SND1: variants seen among roughly 807,000 people sequenced by gnomAD.
The protein encoded by SND1 is staphylococcal nuclease domain-containing protein 1.
SND1 carries 38 observed loss-of-function variants against 121.7 expected under a neutral mutation model. The observed-to-expected ratio is 0.31, with a 90% CI of 0.24 to 0.41. The LOEUF is 0.41. Ranked by LOEUF, SND1 falls within the 10% of genes least tolerant of loss-of-function variation. SND1 has a pLI of 1.00. For missense variants in SND1, 868 were observed against 1,184.6 expected, an observed-to-expected ratio of 0.73 and a Z score of 3.92; for synonymous variants, 401 against 447.4, an observed-to-expected ratio of 0.90 and a Z score of 1.31.
At chr7:127,656,324 C>CTT (rs1163685188) in intron 1 of SND1, among the ~76,000 whole-genome samples, 3 of 137,374 alleles carry the variant, frequency 2.2e-5, no homozygotes, top group Non-Finnish European at 3.2e-5. Flanking sequence ...TTCTTTCTTT[C>CTT]TTTTTTTTTT....
chr7:128,056,995 G>T (rs191013712), intron 16 of SND1, among the ~76,000 whole-genome samples: 1 of 152,114 alleles, frequency 6.6e-6, no homozygotes, highest in Non-Finnish European at 1.5e-5. Context: ...AGTTACAGGC[G>T]GGTAGCATCT....
intron 1 of SND1, among the ~76,000 whole-genome samples, chr7:127,668,028 C>A (rs1358484873): frequency 6.6e-6 from 1 of 152,152 alleles, no homozygotes; most frequent in African/African-American, 2.4e-5. Flanking sequence ...TAAATGCCAT[C>A]ATCTTTCAAT....
intron 12 of SND1, chr7:127,857,919 G>A: frequency 7.3e-7 from 1 of 1,379,108 alleles, no homozygotes; most frequent in Non-Finnish European, 1.0e-6. Flanking sequence ...GCTTCCGGCA[G>A]TAAACACCAT....
rs780892239 is a variant in SND1, at chr7:128,031,099, G to C, written c.1779+40043G>C. 951 of 153,162 alleles carry C rather than the reference G, an allele frequency of 6.2e-3. 16 individuals are homozygous for C. The highest frequency in any genetic ancestry group is 6.9e-3 in the Non-Finnish European group (476 of 68,690). 9.5% of individuals were successfully genotyped at this position (153,162 alleles called of 1,614,324 possible). ...GGTGGGGGAGACAAAATGGCCTCTAGTAAATCCGGAGCCGGAGCCGGCGAA... is the reference window on the plus strand; with the variant it reads ...GGTGGGGGAGACAAAATGGCCTCTACTAAATCCGGAGCCGGAGCCGGCGAA... On this transcript the variant is annotated intron_variant, in intron 16 of 23. Coordinates refer to ENST00000354725, the MANE Select transcript of SND1 (RefSeq NM_014390.4).
chr7:127,725,572 G>A (rs1796567885), intron 10 of SND1, among the ~76,000 whole-genome samples: 1 of 152,166 alleles, frequency 6.6e-6, no homozygotes, highest in African/African-American at 2.4e-5. Context: ...CGGAAACATG[G>A]AGTGCTTGAG....
chr7:127,818,377 A>G (rs1404125891), intron 11 of SND1, among the ~76,000 whole-genome samples: 1 of 152,188 alleles, frequency 6.6e-6, no homozygotes, highest in Non-Finnish European at 1.5e-5. Flanking sequence ...TTCATTATTG[A>G]AACTGTGCAT....
At chr7:128,079,401 C>CT (rs1488762195) in intron 17 of SND1, among the ~76,000 whole-genome samples, 5 of 152,364 alleles carry the variant, frequency 3.3e-5, no homozygotes, top group East Asian at 1.9e-4. Flanking sequence ...CCAGCCAGGG[C>CT]TTAGGGGACT....
intron 15 of SND1, among the ~76,000 whole-genome samples, chr7:127,976,149 G>A (rs542817487): frequency 2.0e-5 from 3 of 152,186 alleles, no homozygotes; most frequent in Admixed American, 6.5e-5. Context: ...AACCCTGGTC[G>A]GGGAATGTGC....
chr7:127,754,386 A>G (rs1797157094), intron 10 of SND1, among the ~76,000 whole-genome samples: 1 of 152,234 alleles, frequency 6.6e-6, no homozygotes, highest in Non-Finnish European at 1.5e-5. Context: ...TAGTCCACTA[A>G]GGGTAAATCA....
chr7:127,706,252 T>TCCCC (rs796132526), intron 8 of SND1, among the ~76,000 whole-genome samples: 1 of 63,028 alleles, frequency 1.6e-5, no homozygotes, highest in Non-Finnish European at 2.8e-5. Flanking sequence ...TTGCCCCCCC[T>TCCCC]CCCCCCCCCC....
intron 11 of SND1, among the ~76,000 whole-genome samples, chr7:127,837,022 G>A (rs1266319277): frequency 1.3e-5 from 2 of 152,066 alleles, no homozygotes; most frequent in African/African-American, 4.8e-5. Context: ...TTGTAATCTA[G>A]TCAGATAATA....
intron 1 of SND1, among the ~76,000 whole-genome samples, chr7:127,665,060 T>G (rs1795388863): frequency 6.6e-6 from 1 of 152,196 alleles, no homozygotes. Flanking sequence ...TTCTGGATAC[T>G]GGGAAGTGCT....
intron 1 of SND1, among the ~76,000 whole-genome samples, chr7:127,654,282 T>C (rs1795174072): frequency 6.6e-6 from 1 of 152,230 alleles, no homozygotes; most frequent in Admixed American, 6.5e-5. Context: ...TCATATTGTC[T>C]CATTTGTAAT....
rs539174242 is a variant in SND1 at position 127,887,405 on chromosome 7, TA to T, written c.1344-496del. 7.9e-5 allele frequency among the ~76,000 whole-genome samples: 12 copies of T among 152,260 alleles called. No homozygotes were observed. In the South Asian group the frequency reaches 2.5e-3, roughly 32 times the overall value. On this transcript the variant is annotated intron_variant, in intron 12 of 23. Coordinates refer to ENST00000354725, the MANE Select transcript of SND1 (RefSeq NM_014390.4). ...TAGAAGATCTACTCTCAGGAGTTCTTATAAGAGAAACACTTCGTTATGTAAA... is the reference window on the plus strand; with the variant it reads ...TAGAAGATCTACTCTCAGGAGTTCTTTAAGAGAAACACTTCGTTATGTAAA...
At chr7:127,713,414 G>A (rs543999777) in intron 9 of SND1, among the ~76,000 whole-genome samples, 18 of 152,314 alleles carry the variant, frequency 1.2e-4, no homozygotes, top group Admixed American at 9.1e-4. Flanking sequence ...GTGGCAAACA[G>A]CTTTTTTCAG....
intron 11 of SND1, among the ~76,000 whole-genome samples, chr7:127,819,828 A>G (rs1798515395): frequency 6.6e-6 from 1 of 152,214 alleles, no homozygotes; most frequent in Admixed American, 6.5e-5. Context: ...TTTAAATATC[A>G]GTGAATTTGA....
At chr7:127,823,925 T>C (rs900855226) in intron 11 of SND1, among the ~76,000 whole-genome samples, 5 of 152,220 alleles carry the variant, frequency 3.3e-5, no homozygotes, top group African/African-American at 1.2e-4. Flanking sequence ...GAAAGAGAGA[T>C]TTGTTGTGAT....
At chr7:127,684,430 T>G (rs936018654) in intron 1 of SND1, among the ~76,000 whole-genome samples, 3 of 152,264 alleles carry the variant, frequency 2.0e-5, no homozygotes, top group African/African-American at 7.2e-5. Context: ...TGATTTCAAG[T>G]GCAGGTATTC....
chr7:127,671,214 G>A (rs1052899444), intron 1 of SND1, among the ~76,000 whole-genome samples: 1 of 152,096 alleles, frequency 6.6e-6, no homozygotes, highest in Non-Finnish European at 1.5e-5. Context: ...ATCTTGAAAG[G>A]TGTTTTAAAA....
Sources: gnomAD v4.1 joint callset for allele counts (sites outside exome capture counted in the v4.1 genomes callset) on GRCh38, gnomAD v4.1.1 for gene constraint, MANE v1.5 for transcripts, NCBI Gene and HGNC (gene_info 2026-07-23, HGNC 2026-07-21) for gene names.